Variants in KPNA3 observed in about 807,000 individuals in gnomAD.
The protein encoded by KPNA3 is karyopherin subunit alpha 3.
In KPNA3, 13 loss-of-function variants were observed where a neutral mutation model predicts 73.8. The observed-to-expected ratio is 0.18, with a 90% CI of 0.11 to 0.28. The LOEUF (loss-of-function observed/expected upper bound fraction) is 0.28. KPNA3 is among the 10% of genes least tolerant of loss of function. KPNA3 has a pLI of 1.00. For synonymous variants in KPNA3, 186 were observed against 206.9 expected (o/e 0.90, Z 0.87); for missense variants, 360 against 618.1 (o/e 0.58, Z 4.43).
intron 10 of KPNA3, among the ~76,000 whole-genome samples, chr13:49,715,594 A>G (rs1594432723): frequency 6.6e-6 from 1 of 152,352 alleles, no homozygotes; most frequent in East Asian, 1.9e-4. Context: ...GAAAAATGTC[A>G]TTTAAAACTA....
chr13:49,788,738 TAA>T (rs370220925), intron 1 of KPNA3, among the ~76,000 whole-genome samples: 2,789 of 70,212 alleles, frequency 0.04, 60 homozygotes, highest in African/African-American at 0.054. Flanking sequence ...TTTTTTTTTT[TAA>T]AAAAAAAAAG....
intron 15 of KPNA3, 45 bp downstream of exon 15, chr13:49,705,576 G>C: frequency 3.8e-6 from 6 of 1,573,584 alleles, no homozygotes; most frequent in Non-Finnish European, 5.2e-6. Flanking sequence ...TTATGTTTCA[G>C]AGTTCCAGTG....
intron 1 of KPNA3, among the ~76,000 whole-genome samples, chr13:49,761,698 CCAT>C (rs1217514986): frequency 4.0e-5 from 6 of 151,692 alleles, no homozygotes; most frequent in African/African-American, 9.7e-5. Flanking sequence ...GCCTGGCCGC[CCAT>C]CGTCTGGGAT....
At chr13:49,727,095 G>A (rs1340026395) in intron 6 of KPNA3, among the ~76,000 whole-genome samples, 1 of 152,126 alleles carries the variant, frequency 6.6e-6, no homozygotes, top group Non-Finnish European at 1.5e-5. Flanking sequence ...ACAAAGGTTA[G>A]GGAGTTTGAA....
chr13:49,707,959 T>C (rs950106177), intron 12 of KPNA3, among the ~76,000 whole-genome samples: 4 of 151,866 alleles, frequency 2.6e-5, no homozygotes, highest in African/African-American at 9.7e-5. Flanking sequence ...GATAAAACTT[T>C]AGTAAACTAA....
intron 6 of KPNA3, among the ~76,000 whole-genome samples, chr13:49,732,001 T>A (rs1350459973): frequency 6.6e-6 from 1 of 152,220 alleles, no homozygotes; most frequent in Non-Finnish European, 1.5e-5. Flanking sequence ...ACCATCCATG[T>A]TGACTTAGTC....
chr13:49,781,066 C>T (rs1954937113), intron 1 of KPNA3, among the ~76,000 whole-genome samples: 3 of 152,116 alleles, frequency 2.0e-5, no homozygotes, highest in Admixed American at 6.6e-5. Context: ...CACACTATCT[C>T]TTACTTCCAG....
At chr13:49,768,741 T>C (rs1954829881) in intron 1 of KPNA3, among the ~76,000 whole-genome samples, 1 of 152,192 alleles carries the variant, frequency 6.6e-6, no homozygotes, top group African/African-American at 2.4e-5. Context: ...AGAACCCAAC[T>C]TGTGTGCCAC....
intron 1 of KPNA3, among the ~76,000 whole-genome samples, chr13:49,789,522 A>C (rs1283367624): frequency 6.6e-6 from 1 of 152,134 alleles, no homozygotes; most frequent in Non-Finnish European, 1.5e-5. Flanking sequence ...CTGCTTCTAT[A>C]ATTTATAACA....
intron 1 of KPNA3, among the ~76,000 whole-genome samples, chr13:49,748,717 T>C (rs1257689874): frequency 6.6e-6 from 1 of 152,118 alleles, no homozygotes; most frequent in African/African-American, 2.4e-5. Context: ...CATATTCATT[T>C]CATGTGATGG....
intron 1 of KPNA3, among the ~76,000 whole-genome samples, chr13:49,762,136 C>CCCGT (rs1954770081): frequency 8.6e-6 from 1 of 115,998 alleles, no homozygotes; most frequent in South Asian, 2.9e-4. Flanking sequence ...GGCCAGCCTC[C>CCCGT]CCGTCCGGGA....
At chr13:49,755,559 G>T (rs1161521719) in intron 1 of KPNA3, among the ~76,000 whole-genome samples, 1 of 152,212 alleles carries the variant, frequency 6.6e-6, no homozygotes, top group Non-Finnish European at 1.5e-5. Flanking sequence ...CACTTTGGGA[G>T]ACTGAGGAGG....
At chr13:49,772,965 A>C (rs1954867163) in intron 1 of KPNA3, among the ~76,000 whole-genome samples, 2 of 152,220 alleles carry the variant, frequency 1.3e-5, no homozygotes, top group African/African-American at 4.8e-5. Flanking sequence ...ATTGCCAAAA[A>C]CTAGTAACAA....
chr13:49,751,147 A>G (rs1954659451), intron 1 of KPNA3, among the ~76,000 whole-genome samples: 1 of 152,338 alleles, frequency 6.6e-6, no homozygotes, highest in Non-Finnish European at 1.5e-5. Flanking sequence ...TAAAGGCTTC[A>G]AACTCAGTAT....
chr13:49,720,205 G>A (rs1336366506), intron 9 of KPNA3, among the ~76,000 whole-genome samples: 1 of 152,162 alleles, frequency 6.6e-6, no homozygotes, highest in Non-Finnish European at 1.5e-5. Flanking sequence ...TGCCGTAATT[G>A]TCTCACTTAC....
chr13:49,729,616 C>T (rs1332228923), intron 6 of KPNA3, among the ~76,000 whole-genome samples: 1 of 151,810 alleles, frequency 6.6e-6, no homozygotes, highest in East Asian at 1.9e-4. Context: ...CCCATCTCTA[C>T]TAGAAATAAA....
intron 10 of KPNA3, among the ~76,000 whole-genome samples, chr13:49,715,848 TAATAC>T (rs948009014): frequency 2.6e-5 from 4 of 152,236 alleles, no homozygotes; most frequent in Admixed American, 1.3e-4. Context: ...GTCATTGGTA[TAATAC>T]TTTTACATTT....
chr13:49,722,525 G>A lies in KPNA3; in HGVS notation c.508C>T (p.His170Tyr). ...ACTGCTTGTTCACAAACATTCTGAT[G>A]TGGTGAACGAAGAAGTCTCAGAAAA... is the stretch of plus-strand genomic sequence containing the variant. ...PLFLRLLRSP[H>Y]QNVCEQAVWA... Residue 170 changes from histidine (H) to tyrosine (Y), a missense_variant, in exon 8 of 17, where the codon CAT becomes TAT. Around this residue, in one of 3 missense-constraint regions of KPNA3, gnomAD observed 287 missense variants for 549.1 expected, o/e 0.52. Transcript: ENST00000261667. 6.2e-7 allele frequency: 1 copy of A among 1,611,666 alleles called. No individual in the cohort carries two copies. Among genetic ancestry groups the A allele is most frequent in the Non-Finnish European group, 8.5e-7 (1 of 1,178,714 alleles).
intron 2 of KPNA3, among the ~76,000 whole-genome samples, chr13:49,738,690 G>C (rs990264803): frequency 6.6e-6 from 1 of 152,128 alleles, no homozygotes; most frequent in African/African-American, 2.4e-5. Context: ...TTTATTCTGT[G>C]ACCTTGCTAA....
Sources: allele counts gnomAD v4.1 joint callset (sites outside exome capture counted in the v4.1 genomes callset), GRCh38; gene constraint gnomAD v4.1.1; regional missense constraint gnomAD v4.1.1; transcripts MANE v1.5; gene names NCBI Gene and HGNC (gene_info 2026-07-23, HGNC 2026-07-21).